The following SYN3 variants were observed in gnomAD, a reference collection of about 807,000 sequenced individuals.
The protein encoded by SYN3 is synapsin III.
SYN3 carries 35 observed loss-of-function variants against 65.8 expected under a neutral mutation model. The ratio of observed to expected loss-of-function variants is 0.53; its 90% CI spans 0.41 to 0.70. The LOEUF (loss-of-function observed/expected upper bound fraction) is 0.70. SYN3 is among the 30% of genes least tolerant of loss of function. The pLI, the probability that SYN3 is intolerant of heterozygous loss-of-function variation, is 0.00. For synonymous variants in SYN3, 270 were observed against 292.9 expected (o/e 0.92, Z 0.80); for missense variants, 680 against 749.0 (o/e 0.91, Z 1.08).
intron 6 of SYN3, among the ~76,000 whole-genome samples, chr22:32,676,460 A>G (rs1048177225): frequency 6.6e-6 from 1 of 150,698 alleles, no homozygotes; most frequent in Middle Eastern, 3.4e-3. Context: ...GCAAAGTCTC[A>G]GTGTAGCCTC....
At chr22:32,651,108 C>A (rs2060063687) in intron 6 of SYN3, among the ~76,000 whole-genome samples, 2 of 152,054 alleles carry the variant, frequency 1.3e-5, no homozygotes, top group African/African-American at 4.8e-5. Context: ...GATGGAAGAG[C>A]ACAGAAGGCC....
At chr22:32,786,561 A>G (rs2046199113) in intron 6 of SYN3, among the ~76,000 whole-genome samples, 2 of 151,122 alleles carry the variant, frequency 1.3e-5, no homozygotes, top group African/African-American at 4.9e-5. Flanking sequence ...ATGGGGTTTC[A>G]CCATGTTAGC....
At chr22:32,748,812 G>C (rs1382379721) in intron 6 of SYN3, among the ~76,000 whole-genome samples, 1 of 152,142 alleles carries the variant, frequency 6.6e-6, no homozygotes. Flanking sequence ...TCTGCCCCAG[G>C]TATCCCCAGT....
At chr22:32,557,123 G>A (rs1414153699) in intron 7 of SYN3, among the ~76,000 whole-genome samples, 1 of 152,140 alleles carries the variant, frequency 6.6e-6, no homozygotes, top group African/African-American at 2.4e-5. Context: ...ATTTAGAATA[G>A]TCCTTAAACA....
chr22:32,529,211 T>G, intron 10 of SYN3: 1 of 575,348 alleles, frequency 1.7e-6, no homozygotes, highest in East Asian at 2.9e-5. Context: ...TCCCTGGAGG[T>G]AGTTCAATTC....
At chr22:33,054,351 G>A (rs1335977949) in intron 1 of SYN3, among the ~76,000 whole-genome samples, 1 of 152,186 alleles carries the variant, frequency 6.6e-6, no homozygotes, top group Non-Finnish European at 1.5e-5. Flanking sequence ...CCTAGTCTCT[G>A]TTATGTGAAT....
chr22:32,971,703 G>T (rs1252680054), intron 3 of SYN3, among the ~76,000 whole-genome samples: 1 of 152,152 alleles, frequency 6.6e-6, no homozygotes, highest in African/African-American at 2.4e-5. Context: ...TGACCTCTAT[G>T]GAAAGTAATT....
intron 4 of SYN3, among the ~76,000 whole-genome samples, chr22:32,878,399 G>C (rs1211079391): frequency 3.3e-5 from 5 of 152,108 alleles, no homozygotes; most frequent in Admixed American, 3.3e-4. Context: ...TTCCACTCTG[G>C]TTTTCTCCTC....
intron 6 of SYN3, among the ~76,000 whole-genome samples, chr22:32,787,946 A>G (rs944968198): frequency 1.3e-5 from 2 of 152,098 alleles, no homozygotes; most frequent in Non-Finnish European, 2.9e-5. Context: ...TGGTTAAAGG[A>G]GGAAAAGGAG....
At chr22:32,552,187 A>T (rs1260320412) in intron 7 of SYN3, among the ~76,000 whole-genome samples, 1 of 152,216 alleles carries the variant, frequency 6.6e-6, no homozygotes, top group Non-Finnish European at 1.5e-5. Flanking sequence ...CGGAGGTTGC[A>T]GTGGAGCAAG....
At chr22:33,008,357 G>GAA (rs2145808599) in intron 1 of SYN3, among the ~76,000 whole-genome samples, 1 of 152,252 alleles carries the variant, frequency 6.6e-6, no homozygotes, top group East Asian at 1.9e-4. Flanking sequence ...CTACACCTCA[G>GAA]AAAGTTCTTT....
intron 6 of SYN3, among the ~76,000 whole-genome samples, chr22:32,633,707 C>T (rs572441365): frequency 1.3e-5 from 2 of 152,274 alleles, no homozygotes; most frequent in Admixed American, 6.5e-5. Flanking sequence ...CCTGCAGCCT[C>T]GACCTCCCAG....
chr22:32,790,204 A>T (rs1451731761), intron 6 of SYN3, among the ~76,000 whole-genome samples: 2 of 152,188 alleles, frequency 1.3e-5, no homozygotes, highest in Non-Finnish European at 2.9e-5. Context: ...CTTCCATCAT[A>T]GCCAATTTTA....
At chr22:32,906,827 G>A (rs2049915468) in intron 4 of SYN3, among the ~76,000 whole-genome samples, 1 of 152,130 alleles carries the variant, frequency 6.6e-6, no homozygotes, top group Non-Finnish European at 1.5e-5. Context: ...TCCCTACAAA[G>A]GACATGAACT....
At chr22:32,586,205 T>A (rs2146528362) in intron 7 of SYN3, among the ~76,000 whole-genome samples, 1 of 151,966 alleles carries the variant, frequency 6.6e-6, no homozygotes, top group South Asian at 2.1e-4. Flanking sequence ...TGATTCTCAT[T>A]ATTAATGCTA....
At chr22:32,552,594 T>C (rs1487382913) in intron 7 of SYN3, among the ~76,000 whole-genome samples, 1 of 151,940 alleles carries the variant, frequency 6.6e-6, no homozygotes, top group East Asian at 1.9e-4. Flanking sequence ...GGGTTAACAG[T>C]GGTTATGTCT....
chr22:32,871,755 G>A (rs902194247), intron 4 of SYN3, among the ~76,000 whole-genome samples: 11 of 151,820 alleles, frequency 7.2e-5, no homozygotes, highest in Non-Finnish European at 1.6e-4. Context: ...CTACAGGTGC[G>A]CACCACCACA....
intron 4 of SYN3, among the ~76,000 whole-genome samples, chr22:32,875,146 C>T (rs1380440231): frequency 1.3e-5 from 2 of 152,182 alleles, no homozygotes; most frequent in African/African-American, 4.8e-5. Context: ...TGGCAGCCAA[C>T]CAAGAATCTG....
intron 12 of SYN3, among the ~76,000 whole-genome samples, chr22:32,521,984 G>A (rs1333639876): frequency 1.3e-5 from 2 of 152,172 alleles, no homozygotes; most frequent in African/African-American, 2.4e-5. Flanking sequence ...AGAGACCAGA[G>A]TGCTAACCAT....
Sources: allele counts gnomAD v4.1 joint callset (sites outside exome capture counted in the v4.1 genomes callset), GRCh38; gene constraint gnomAD v4.1.1; transcripts MANE v1.5; gene names NCBI Gene and HGNC (gene_info 2026-07-23, HGNC 2026-07-21).